The following TRPC4AP variants were observed in gnomAD, a reference collection of about 807,000 sequenced individuals.
TRPC4AP encodes the protein short transient receptor potential channel 4-associated protein.
A neutral mutation model predicts 99.0 loss-of-function variants in TRPC4AP; 45 were observed. The ratio of observed to expected loss-of-function variants is 0.45; its 90% CI spans 0.36 to 0.58. The LOEUF (loss-of-function observed/expected upper bound fraction) is 0.58. TRPC4AP is among the 20% of genes least tolerant of loss of function. The pLI is 0.00. For synonymous variants in TRPC4AP, 408 were observed against 385.8 expected (o/e 1.06, Z -0.67); for missense variants, 879 against 985.3 (o/e 0.89, Z 1.44).
chr20:35,038,091 C>A (rs1240406365), intron 7 of TRPC4AP, among the ~76,000 whole-genome samples: 4 of 150,214 alleles, frequency 2.7e-5, no homozygotes, highest in Non-Finnish European at 5.9e-5. Context: ...GAAGAAGCTG[C>A]TTAATGTGTA....
intron 1 of TRPC4AP, among the ~76,000 whole-genome samples, chr20:35,085,692 T>C (rs2084822354): frequency 6.6e-6 from 1 of 152,012 alleles, no homozygotes; most frequent in Non-Finnish European, 1.5e-5. Flanking sequence ...CATTCAGTCA[T>C]CTTCCCAGTT....
In TRPC4AP at chr20:35,023,535, A is replaced by C. The variant is rs368810018; in HGVS notation, c.1052-2179T>G. On this transcript the variant is annotated intron_variant, in intron 8 of 18. Transcript: ENST00000252015. ...GGAAAAATTTACTGGAGAAATTTTT[A>C]ATTTAAGAGATTCTATCTACTCATA... is the stretch of plus-strand genomic sequence containing the variant. Among the ~76,000 whole-genome samples, 14 of 152,360 alleles carry C rather than the reference A, an allele frequency of 9.2e-5. No individual in the cohort carries two copies. The East Asian group carries it at 1.3e-3, about 15-fold the overall frequency.
At chr20:35,004,731 A>G (rs1049179477) in intron 16 of TRPC4AP, among the ~76,000 whole-genome samples, 161 bp from the exon 17 acceptor site, 2 of 152,204 alleles carry the variant, frequency 1.3e-5, no homozygotes, top group African/African-American at 4.8e-5. Flanking sequence ...AAGGACCTCC[A>G]GCTGTCCTGC....
intron 1 of TRPC4AP, among the ~76,000 whole-genome samples, chr20:35,091,250 A>G (rs1355864170): frequency 2.0e-5 from 3 of 151,940 alleles, no homozygotes; most frequent in East Asian, 3.9e-4. Context: ...TCGGCCTCCC[A>G]AAGTGCTGGG....
intron 6 of TRPC4AP, among the ~76,000 whole-genome samples, chr20:35,048,100 CTCTTT>C (rs2083601554): frequency 6.6e-6 from 1 of 152,008 alleles, no homozygotes; most frequent in Admixed American, 6.6e-5. Flanking sequence ...TAAACATCTT[CTCTTT>C]TATGTTTATG....
At chr20:35,003,895 C>T (rs1283479024) in intron 17 of TRPC4AP, among the ~76,000 whole-genome samples, 1 of 152,220 alleles carries the variant, frequency 6.6e-6, no homozygotes, top group African/African-American at 2.4e-5. Context: ...ATCACTCCTT[C>T]CGGAAGGTCC....
rs2083986756 is a variant in TRPC4AP at position 35,060,837 on chromosome 20, C to A, written c.415-3266G>T. On this transcript the variant is annotated intron_variant, in intron 3 of 18. Transcript: ENST00000252015. ...ATCAACAAGGAATAGAAGAGAACTTCTTCAGCCTGATAAAGGGCTTTTATT... is the reference window on the plus strand; with the variant it reads ...ATCAACAAGGAATAGAAGAGAACTTATTCAGCCTGATAAAGGGCTTTTATT... 5.3e-5 allele frequency among the ~76,000 whole-genome samples: 8 copies of A among 152,006 alleles called. 1 individual carries two copies. The South Asian group carries it at 1.7e-3, about 31-fold the overall frequency.
intron 1 of TRPC4AP, 46 bp downstream of exon 1, chr20:35,092,568 C>CAA: frequency 7.1e-7 from 1 of 1,401,896 alleles, no homozygotes; most frequent in Non-Finnish European, 9.3e-7. Context: ...CCCGCCAGCT[C>CAA]CCGCCTGGTC....
At chr20:35,070,907 A>G (rs1166363219) in intron 2 of TRPC4AP, among the ~76,000 whole-genome samples, 1 of 152,224 alleles carries the variant, frequency 6.6e-6, no homozygotes, top group Non-Finnish European at 1.5e-5. Context: ...AAAACATAGT[A>G]AGTTTCAAAT....
intron 2 of TRPC4AP, among the ~76,000 whole-genome samples, chr20:35,072,019 A>G (rs2084331211): frequency 6.6e-6 from 1 of 152,152 alleles, no homozygotes; most frequent in Non-Finnish European, 1.5e-5. Context: ...TTTGATTTGC[A>G]TTTCTCTGAT....
chr20:35,070,223 T>C (rs1446211244), intron 2 of TRPC4AP, among the ~76,000 whole-genome samples: 2 of 152,048 alleles, frequency 1.3e-5, no homozygotes, highest in Non-Finnish European at 2.9e-5. Context: ...ATGATTCTTG[T>C]TACTTCCGGC....
chr20:35,091,416 T>C (rs2085062945), intron 1 of TRPC4AP, among the ~76,000 whole-genome samples: 1 of 152,188 alleles, frequency 6.6e-6, no homozygotes. Context: ...TATTTTATTC[T>C]ATCCTTTTCG....
intron 1 of TRPC4AP, among the ~76,000 whole-genome samples, chr20:35,086,467 G>GTATATA (rs1246604582): frequency 6.7e-5 from 5 of 74,106 alleles, no homozygotes; most frequent in African/African-American, 1.8e-4. Flanking sequence ...GTGTGTGTGT[G>GTATATA]TGTGTGTGTA....
At chr20:35,027,333 AAC>A (rs1261550076) in intron 8 of TRPC4AP, among the ~76,000 whole-genome samples, 1 of 152,220 alleles carries the variant, frequency 6.6e-6, no homozygotes, top group Admixed American at 6.5e-5. Context: ...TTATTCTATT[AAC>A]ACAGTGTATT....
chr20:35,041,170 C>T (rs568854900), intron 7 of TRPC4AP, among the ~76,000 whole-genome samples: 211 of 102,982 alleles, frequency 2.0e-3, no homozygotes, highest in Middle Eastern at 7.4e-3. Context: ...ACCTAGTCTA[C>T]GGTACCTTGT....
chr20:35,013,714 G>C (rs1018002529), intron 10 of TRPC4AP, among the ~76,000 whole-genome samples: 18 of 152,252 alleles, frequency 1.2e-4, no homozygotes, highest in Non-Finnish European at 2.9e-5. Context: ...GCTGTGGGCA[G>C]TGTGGAGAGG....
At chr20:35,089,477 C>T (rs2084980120) in intron 1 of TRPC4AP, among the ~76,000 whole-genome samples, 1 of 151,622 alleles carries the variant, frequency 6.6e-6, no homozygotes, top group Admixed American at 6.6e-5. Flanking sequence ...GGTGATCATC[C>T]CATCTTGGTC....
chr20:35,025,218 AT>A (rs2082998600), intron 8 of TRPC4AP, among the ~76,000 whole-genome samples: 1 of 152,084 alleles, frequency 6.6e-6, no homozygotes, highest in Non-Finnish European at 1.5e-5. Context: ...TTCCTCTATC[AT>A]CTAGACTACT....
chr20:35,019,486 C>T (rs1049618314), intron 9 of TRPC4AP, among the ~76,000 whole-genome samples: 2 of 152,192 alleles, frequency 1.3e-5, no homozygotes, highest in South Asian at 2.1e-4. Context: ...GTCCCCTGAG[C>T]GCACAGCCCA....
Sources: gnomAD v4.1 joint callset for allele counts (sites outside exome capture counted in the v4.1 genomes callset) on GRCh38, gnomAD v4.1.1 for gene constraint, MANE v1.5 for transcripts, NCBI Gene and HGNC (gene_info 2026-07-23, HGNC 2026-07-21) for gene names.